The following HHAT variants were observed in gnomAD, a reference collection of about 807,000 sequenced individuals.
HHAT encodes hedgehog acyltransferase, also known as protein-cysteine N-palmitoyltransferase HHAT.
In HHAT, 47 loss-of-function variants were observed where a neutral mutation model predicts 70.8. That is an observed-to-expected ratio of 0.66 (90% CI 0.53 to 0.85). The LOEUF is 0.85. HHAT is among the 40% of genes least tolerant of loss of function. HHAT has a pLI of 0.00. For missense variants in HHAT, 609 were observed against 604.8 expected (o/e 1.01, Z -0.07); for synonymous variants, 228 against 247.6 (o/e 0.92, Z 0.74).
intron 4 of HHAT, among the ~76,000 whole-genome samples, chr1:210,388,803 C>T (rs939415506): frequency 3.9e-5 from 6 of 152,032 alleles, no homozygotes; most frequent in South Asian, 2.1e-4. Context: ...CATTTTAATT[C>T]GTAACAAAGT....
intron 9 of HHAT, among the ~76,000 whole-genome samples, chr1:210,548,215 A>G (rs2095500442): frequency 6.6e-6 from 1 of 152,198 alleles, no homozygotes; most frequent in South Asian, 2.1e-4. Flanking sequence ...ACACCTAGGA[A>G]AAGGGCCAGA....
rs548863112 is a variant in HHAT, at chr1:210,650,302, C to A, written c.1391-23986C>A. 4.6e-5 allele frequency among the ~76,000 whole-genome samples: 7 copies of A among 152,296 alleles called. No individual in the cohort carries two copies. In the East Asian group the frequency reaches 1.4e-3, roughly 29 times the overall value. On this transcript the variant is annotated intron_variant, in intron 11 of 11. Transcript: ENST00000261458. ...CAGAGAAGTTGGTTTACAGAGCTAA[C>A]AAGTGATGGAGCTCAGGACTCCTGA...
chr1:210,574,771 G>A (rs2148746827), intron 9 of HHAT, among the ~76,000 whole-genome samples: 1 of 152,350 alleles, frequency 6.6e-6, no homozygotes, highest in Admixed American at 6.5e-5. Flanking sequence ...GGGATGAAAT[G>A]CTTCGGGAAC....
At chr1:210,486,684 G>T (rs545916372) in intron 8 of HHAT, among the ~76,000 whole-genome samples, 6 of 152,132 alleles carry the variant, frequency 3.9e-5, no homozygotes, top group African/African-American at 7.2e-5. Context: ...GACAGTTCAT[G>T]TCCAATAGTA....
intron 11 of HHAT, among the ~76,000 whole-genome samples, chr1:210,673,762 A>T (rs921990846): frequency 2.2e-5 from 2 of 92,044 alleles, no homozygotes; most frequent in African/African-American, 5.6e-5. Context: ...TGGCTTATTT[A>T]TTATTTATTT....
At chr1:210,371,558 G>T (rs1435517955) in intron 3 of HHAT, among the ~76,000 whole-genome samples, 2 of 152,126 alleles carry the variant, frequency 1.3e-5, no homozygotes, top group East Asian at 3.9e-4. Flanking sequence ...AAGCCTCTCT[G>T]GGAAGGGGAA....
intron 8 of HHAT, among the ~76,000 whole-genome samples, chr1:210,475,016 A>AT (rs1363819314): frequency 2.6e-5 from 3 of 114,300 alleles, no homozygotes; most frequent in Admixed American, 1.8e-4. Flanking sequence ...ACAACTAGCT[A>AT]TTTTTTTTGT....
chr1:210,332,887 T>C (rs954526113), intron 1 of HHAT, among the ~76,000 whole-genome samples: 2 of 152,358 alleles, frequency 1.3e-5, no homozygotes, highest in South Asian at 2.1e-4. Context: ...TGTCTCATCA[T>C]TGGGTCTTCC....
intron 9 of HHAT, among the ~76,000 whole-genome samples, chr1:210,576,432 G>T (rs1363750907): frequency 6.7e-6 from 1 of 150,310 alleles, no homozygotes; most frequent in Admixed American, 6.7e-5. Context: ...CCTTTGGGGT[G>T]TGTGCGTGTG....
chr1:210,526,230 G>A (rs1476707991), intron 9 of HHAT, among the ~76,000 whole-genome samples: 2 of 152,170 alleles, frequency 1.3e-5, no homozygotes, highest in African/African-American at 4.8e-5. Flanking sequence ...AGACATGGTT[G>A]AGTCCCCACT....
At chr1:210,665,511 A>G (rs1678705185) in intron 11 of HHAT, among the ~76,000 whole-genome samples, 1 of 152,198 alleles carries the variant, frequency 6.6e-6, no homozygotes, top group South Asian at 2.1e-4. Flanking sequence ...AGCCCTCAGA[A>G]CTGGGAACCA....
At chr1:210,528,553 A>G (rs183985664) in intron 9 of HHAT, among the ~76,000 whole-genome samples, 1 of 152,352 alleles carries the variant, frequency 6.6e-6, no homozygotes, top group African/African-American at 2.4e-5. Context: ...TAGCATGTCT[A>G]AAGTTCTCAT....
chr1:210,642,979 A>G (rs1300341327), intron 11 of HHAT, among the ~76,000 whole-genome samples: 1 of 152,120 alleles, frequency 6.6e-6, no homozygotes, highest in Non-Finnish European at 1.5e-5. Context: ...TTACTTTTTT[A>G]ATTTCCCTAT....
intron 11 of HHAT, among the ~76,000 whole-genome samples, chr1:210,643,979 A>G (rs1457093851): frequency 6.6e-6 from 1 of 151,886 alleles, no homozygotes; most frequent in Non-Finnish European, 1.5e-5. Context: ...TATTCTGAAG[A>G]ATTATTTAGA....
chr1:210,647,713 A>G (rs544186738), intron 11 of HHAT, among the ~76,000 whole-genome samples: 6 of 152,360 alleles, frequency 3.9e-5, no homozygotes, highest in Admixed American at 1.3e-4. Flanking sequence ...ATGTGAAACT[A>G]TGTGGAGGAA....
In HHAT at chr1:210,588,073, G is replaced by A. The variant is rs772854695; in HGVS notation, c.1219G>A (p.Glu407Lys). The A allele has an allele frequency of 3.1e-6, 5 of 1,609,938 alleles. No homozygotes were observed. The highest frequency in any genetic ancestry group is 4.2e-6 in the Non-Finnish European group (5 of 1,178,660). Reference protein sequence around the residue: ...TVENGVRRLVETPCIQDSLAR... With the variant: ...TVENGVRRLVKTPCIQDSLAR... ...GGAGAATGGAGTCCGGAGGCTGGTG[G>A]AGACTCCCTGCATCCAGGACAGTCT... The change falls in exon 10 of 12, where the codon GAG becomes AAG. Residue 407 changes from glutamate to lysine, a missense_variant. Glu to Lys is a moderately conservative substitution (Grantham distance 56). Transcript: ENST00000261458.
In HHAT at chr1:210,583,947, ATTT is replaced by A. The variant is rs371722219; in HGVS notation, c.1044-3930_1044-3928del. On this transcript the variant is annotated intron_variant, in intron 9 of 11. Coordinates refer to ENST00000261458, the MANE Select transcript of HHAT (RefSeq NM_018194.6). ...TTTTCTGACATATACAGTGCAGCTA[ATTT>A]TTTTTTTTTTTTTTTTTTTTGTGAT... 5.0e-3 allele frequency among the ~76,000 whole-genome samples: 441 copies of A among 88,988 alleles called. 2 individuals carry two copies. Among genetic ancestry groups the A allele is most frequent in the African/African-American group, 0.017 (390 of 23,196 alleles). 58.4% of individuals were successfully genotyped at this position (88,988 alleles called of 152,430 possible).
intron 11 of HHAT, among the ~76,000 whole-genome samples, chr1:210,668,748 C>T (rs888238754): frequency 4.6e-5 from 7 of 152,046 alleles, no homozygotes; most frequent in African/African-American, 1.7e-4. Flanking sequence ...AGTGGCTGTA[C>T]CATTTCATAT....
chr1:210,534,035 G>C (rs2095343935), intron 9 of HHAT, among the ~76,000 whole-genome samples: 1 of 152,142 alleles, frequency 6.6e-6, no homozygotes, highest in Non-Finnish European at 1.5e-5. Flanking sequence ...GGGAAATGAG[G>C]AGTCTCAGGC....
Sources: allele counts gnomAD v4.1 joint callset (sites outside exome capture counted in the v4.1 genomes callset), GRCh38; gene constraint gnomAD v4.1.1; transcripts MANE v1.5; gene names NCBI Gene and HGNC (gene_info 2026-07-23, HGNC 2026-07-21).